The following CFAP54 variants were observed in gnomAD, a reference collection of about 807,000 sequenced individuals.
CFAP54 encodes cilia and flagella associated protein 54.
CFAP54 carries 290 observed loss-of-function variants against 370.4 expected under a neutral mutation model. The observed-to-expected ratio is 0.78, with a 90% CI of 0.71 to 0.86. The LOEUF is 0.86. CFAP54 is among the 40% of genes least tolerant of loss of function. The pLI, the probability that CFAP54 is intolerant of heterozygous loss-of-function variation, is 0.00. For missense variants in CFAP54, 3,399 were observed against 3,528.7 expected, an observed-to-expected ratio of 0.96 and a Z score of 0.93; for synonymous variants, 1,206 against 1,236.5, an observed-to-expected ratio of 0.98 and a Z score of 0.52.
Position 96,644,263 on chromosome 12 carries a change from A to G in CFAP54, c.4402A>G (p.Lys1468Glu). The G allele has an allele frequency of 1.3e-6, 2 of 1,535,852 alleles. No homozygotes were observed. Among genetic ancestry groups the G allele is most frequent in the East Asian group, 2.4e-5 (1 of 40,908 alleles). ...NPLILSYVKR[K>E]RFHRLSLEEM... ...TCTAATATTAAGTTATGTTAAAAGA[A>G]AGAGGTTCCATCGTCTATCACTTGA... is the stretch of plus-strand genomic sequence containing the variant. Residue 1468 changes from lysine (K) to glutamate (E), a missense_variant, in exon 33 of 68, where the codon AAG (lysine) becomes GAG (glutamate). Lys to Glu is a moderately conservative substitution (Grantham distance 56). Transcript: ENST00000524981.
intron 50 of CFAP54, among the ~76,000 whole-genome samples, chr12:96,732,379 G>A (rs953242525): frequency 2.0e-5 from 3 of 152,008 alleles, no homozygotes; most frequent in African/African-American, 4.8e-5. Flanking sequence ...AGATCCACCC[G>A]CCTTGGCCTC....
At chr12:96,629,968 C>G (rs1334160020) in intron 30 of CFAP54, 125 bp from the exon 31 acceptor site, 2 of 443,410 alleles carry the variant, frequency 4.5e-6, no homozygotes, top group Non-Finnish European at 8.0e-6. Context: ...CAAATTGATG[C>G]ATAGGACACA....
chr12:96,526,834 T>C (rs1212665476), intron 8 of CFAP54, among the ~76,000 whole-genome samples: 7 of 151,462 alleles, frequency 4.6e-5, no homozygotes, highest in African/African-American at 1.7e-4. Context: ...GACCAACTGC[T>C]CTCTGTTTTA....
At chr12:96,658,886 A>G (rs1956956282) in intron 38 of CFAP54, among the ~76,000 whole-genome samples, 1 of 152,154 alleles carries the variant, frequency 6.6e-6, no homozygotes, top group African/African-American at 2.4e-5. Context: ...AGACAGGGCT[A>G]TTTTATCTTT....
chr12:96,613,003 G>C (rs1470730533), intron 26 of CFAP54, among the ~76,000 whole-genome samples: 4 of 152,138 alleles, frequency 2.6e-5, no homozygotes, highest in Non-Finnish European at 5.9e-5. Context: ...ACTGAACTCA[G>C]CTCTGCACCA....
intron 38 of CFAP54, among the ~76,000 whole-genome samples, chr12:96,660,965 A>G (rs1041418177): frequency 2.0e-5 from 3 of 152,098 alleles, no homozygotes; most frequent in African/African-American, 7.2e-5. Flanking sequence ...AGATGAAGAG[A>G]TACATAGGGT....
At chr12:96,737,871 T>C (rs1025397448) in intron 50 of CFAP54, among the ~76,000 whole-genome samples, 11 of 152,174 alleles carry the variant, frequency 7.2e-5, no homozygotes, top group Admixed American at 6.5e-4. Context: ...ATAGGATCCA[T>C]GGACACTGAT....
chr12:96,677,182 T>A (rs376781066), intron 39 of CFAP54, among the ~76,000 whole-genome samples: 17,268 of 122,256 alleles, frequency 0.14, 1,305 homozygotes, highest in Middle Eastern at 0.27. Context: ...TATTTTATTT[T>A]ATTTTTTTTG....
At position 96,875,295 on chromosome 12, in the gene CFAP54, T is replaced by C. The variant is rs1361449606; in HGVS notation, c.*192T>C. 1.3e-5 allele frequency: 2 copies of C among 152,328 alleles called. No homozygotes were observed. Among genetic ancestry groups the C allele is most frequent in the East Asian group, 3.9e-4 (2 of 5,176 alleles). The allele number at this position is 152,328 out of a possible 1,614,324, so 9.4% of individuals were successfully genotyped here. On this transcript the variant is annotated 3_prime_UTR_variant, in exon 68 of 68. Coordinates refer to ENST00000524981, the MANE Select transcript of CFAP54 (RefSeq NM_001306084.2). ...GCCCCATCTGATTTCTTATGATATA[T>C]ACAAATACTCTAGATATTGCTTTGA...
intron 66 of CFAP54, among the ~76,000 whole-genome samples, chr12:96,844,529 A>C (rs2014710): frequency 0.41 from 62,217 of 152,066 alleles, 14,038 homozygotes; most frequent in African/African-American, 0.6. Context: ...GCTATAAGAG[A>C]ATAAATTCAT....
At chr12:96,760,364 A>G (rs1958321164) in intron 58 of CFAP54, among the ~76,000 whole-genome samples, 1 of 152,326 alleles carries the variant, frequency 6.6e-6, no homozygotes, top group African/African-American at 2.4e-5. Flanking sequence ...GAGTTGTTCA[A>G]CAATCACCAC....
intron 65 of CFAP54, among the ~76,000 whole-genome samples, chr12:96,820,422 A>G (rs942425347): frequency 1.1e-4 from 16 of 152,180 alleles, no homozygotes; most frequent in Non-Finnish European, 1.6e-4. Flanking sequence ...GTTTGAATTC[A>G]TCAGTAGAGT....
At chr12:96,808,292 T>C (rs252197) in intron 63 of CFAP54, among the ~76,000 whole-genome samples, 145,388 of 152,198 alleles carry the variant, frequency 0.96, 69,489 homozygotes, top group East Asian at 1. Context: ...CATTCGTCAC[T>C]CTATTGCAAA....
At chr12:96,597,903 G>T (rs1008162167) in intron 25 of CFAP54, among the ~76,000 whole-genome samples, 4 of 151,886 alleles carry the variant, frequency 2.6e-5, no homozygotes, top group Non-Finnish European at 4.4e-5. Context: ...TGATATGGTA[G>T]CATGGGAGAG....
At chr12:96,807,127 C>A (rs1332710387) in intron 63 of CFAP54, among the ~76,000 whole-genome samples, 2 of 152,060 alleles carry the variant, frequency 1.3e-5, no homozygotes, top group African/African-American at 4.8e-5. Context: ...TTGGTACCAC[C>A]CAAGGCAAAG....
At chr12:96,633,847 AG>A (rs546173910) in intron 32 of CFAP54, among the ~76,000 whole-genome samples, 2 of 152,196 alleles carry the variant, frequency 1.3e-5, no homozygotes, top group East Asian at 3.9e-4. Context: ...TAATTTTGTA[AG>A]GCATCCTCCA....
intron 26 of CFAP54, among the ~76,000 whole-genome samples, chr12:96,602,584 G>T (rs1259638772): frequency 6.6e-6 from 1 of 152,074 alleles, no homozygotes; most frequent in Non-Finnish European, 1.5e-5. Flanking sequence ...TTATTGTGTG[G>T]GAGTCTAAGT....
At chr12:96,819,885 C>CA (rs1180972518) in intron 65 of CFAP54, among the ~76,000 whole-genome samples, 1 of 152,224 alleles carries the variant, frequency 6.6e-6, no homozygotes, top group East Asian at 1.9e-4. Flanking sequence ...ATGCCTGCTG[C>CA]ATAGCCCTGC....
intron 19 of CFAP54, among the ~76,000 whole-genome samples, chr12:96,568,900 G>T (rs1228416503): frequency 6.7e-6 from 1 of 149,474 alleles, no homozygotes; most frequent in Non-Finnish European, 1.5e-5. Context: ...CAAGTGAGAT[G>T]ACTGGCTTTT....
Sources: allele counts gnomAD v4.1 joint callset (sites outside exome capture counted in the v4.1 genomes callset), GRCh38; gene constraint gnomAD v4.1.1; transcripts MANE v1.5; gene names NCBI Gene and HGNC (gene_info 2026-07-23, HGNC 2026-07-21).